Variants in SLC10A7 observed in about 807,000 individuals in gnomAD.
SLC10A7 encodes the protein sodium/bile acid cotransporter 7.
In SLC10A7, 29 loss-of-function variants were observed where a neutral mutation model predicts 43.2. That is an observed-to-expected ratio of 0.67 (90% CI 0.50 to 0.92). The LOEUF is 0.92. SLC10A7 is among the 40% of genes least tolerant of loss of function. The pLI, the probability that SLC10A7 is intolerant of heterozygous loss-of-function variation, is 0.00. For missense variants in SLC10A7, 295 were observed against 403.2 expected (o/e 0.73, Z 2.30); for synonymous variants, 152 against 144.8 (o/e 1.05, Z -0.35).
chr4:146,520,031 CG>C (rs1738473178), intron 1 of SLC10A7, among the ~76,000 whole-genome samples: 1 of 152,134 alleles, frequency 6.6e-6, no homozygotes, highest in African/African-American at 2.4e-5. Flanking sequence ...AAAAGCCCCA[CG>C]GAAATGATTC....
At chr4:146,372,127 T>C (rs1210525151) in intron 5 of SLC10A7, among the ~76,000 whole-genome samples, 4 of 152,140 alleles carry the variant, frequency 2.6e-5, no homozygotes, top group African/African-American at 9.7e-5. Context: ...CTTATTCATT[T>C]AAGGCAGAGC....
intron 5 of SLC10A7, among the ~76,000 whole-genome samples, chr4:146,346,303 T>G (rs1490421107): frequency 6.6e-6 from 1 of 152,148 alleles, no homozygotes; most frequent in African/African-American, 2.4e-5. Context: ...GTGAGAGCTT[T>G]GGTAGCTTTT....
intron 5 of SLC10A7, among the ~76,000 whole-genome samples, chr4:146,432,008 C>T (rs376844048): frequency 3.3e-5 from 5 of 152,092 alleles, no homozygotes; most frequent in Non-Finnish European, 5.9e-5. Context: ...CAAAGATATA[C>T]GGATGGCAAA....
intron 7 of SLC10A7, among the ~76,000 whole-genome samples, chr4:146,303,006 T>C (rs1731260886): frequency 6.6e-6 from 1 of 152,018 alleles, no homozygotes; most frequent in African/African-American, 2.4e-5. Flanking sequence ...GTCAGCAGAG[T>C]TCCTCTTCGG....
At chr4:146,427,997 C>G (rs1729494793) in intron 5 of SLC10A7, among the ~76,000 whole-genome samples, 1 of 151,810 alleles carries the variant, frequency 6.6e-6, no homozygotes, top group Non-Finnish European at 1.5e-5. Context: ...CAAAGTGAGA[C>G]TCAGTCTCTA....
chr4:146,440,930 C>A (rs1730552771), intron 5 of SLC10A7, among the ~76,000 whole-genome samples: 2 of 152,180 alleles, frequency 1.3e-5, no homozygotes, highest in African/African-American at 4.8e-5. Context: ...TTCTGTCAGA[C>A]CTTTGAATTT....
chr4:146,365,931 C>T (rs762561762), intron 5 of SLC10A7, among the ~76,000 whole-genome samples: 2 of 152,178 alleles, frequency 1.3e-5, no homozygotes, highest in African/African-American at 2.4e-5. Context: ...GCCTGAGCTC[C>T]GCCTCCTGTT....
At chr4:146,424,219 T>A (rs1579150832) in intron 5 of SLC10A7, among the ~76,000 whole-genome samples, 1 of 152,278 alleles carries the variant, frequency 6.6e-6, no homozygotes, top group East Asian at 1.9e-4. Flanking sequence ...ATCTGTCTAA[T>A]TTTTTAATTT....
At chr4:146,297,861 A>G (rs1169667409) in intron 7 of SLC10A7, among the ~76,000 whole-genome samples, 2 of 152,172 alleles carry the variant, frequency 1.3e-5, no homozygotes, top group African/African-American at 2.4e-5. Context: ...TATCTACTTC[A>G]CTCTTTGAAA....
chr4:146,400,547 G>A (rs1257603252), intron 5 of SLC10A7, among the ~76,000 whole-genome samples: 4 of 152,022 alleles, frequency 2.6e-5, no homozygotes, highest in African/African-American at 9.7e-5. Flanking sequence ...TTATCGAAAC[G>A]TTTTCTGAAC....
chr4:146,486,995 G>T (rs1016517829), intron 4 of SLC10A7, among the ~76,000 whole-genome samples: 1 of 152,302 alleles, frequency 6.6e-6, no homozygotes, highest in South Asian at 2.1e-4. Flanking sequence ...CAGCCAAACT[G>T]CAATTGCTTC....
chr4:146,308,543 G>C (rs1731743950), intron 6 of SLC10A7, among the ~76,000 whole-genome samples: 1 of 151,992 alleles, frequency 6.6e-6, no homozygotes, highest in South Asian at 2.1e-4. Flanking sequence ...TGGGATATTT[G>C]GTTCTTCATA....
intron 1 of SLC10A7, among the ~76,000 whole-genome samples, chr4:146,520,124 T>G (rs1738483456): frequency 6.6e-6 from 1 of 152,202 alleles, no homozygotes; most frequent in African/African-American, 2.4e-5. Flanking sequence ...CCTGCAGATT[T>G]AAAGTTAAAG....
At chr4:146,468,055 C>T (rs1234104858) in intron 4 of SLC10A7, among the ~76,000 whole-genome samples, 1 of 152,102 alleles carries the variant, frequency 6.6e-6, no homozygotes, top group African/African-American at 2.4e-5. Flanking sequence ...ACAGAGGACC[C>T]CAGACTTAGT....
At chr4:146,467,764 T>C (rs774377917) in intron 4 of SLC10A7, among the ~76,000 whole-genome samples, 1 of 152,072 alleles carries the variant, frequency 6.6e-6, no homozygotes, top group Non-Finnish European at 1.5e-5. Flanking sequence ...GGTGTTGCCA[T>C]GTTGGCCAGA....
chr4:146,346,879 T>A (rs11100922), intron 5 of SLC10A7, among the ~76,000 whole-genome samples: 73,388 of 151,832 alleles, frequency 0.48, 18,093 homozygotes, highest in East Asian at 0.62. Flanking sequence ...CAACAAATAA[T>A]TTTTGGATAC....
intron 9 of SLC10A7, among the ~76,000 whole-genome samples, chr4:146,291,020 G>A (rs1163461218): frequency 6.6e-6 from 1 of 152,196 alleles, no homozygotes; most frequent in African/African-American, 2.4e-5. Flanking sequence ...TCAACTAGGT[G>A]TCACACTTCT....
intron 4 of SLC10A7, among the ~76,000 whole-genome samples, chr4:146,447,264 C>T (rs983158375): frequency 2.1e-4 from 32 of 152,050 alleles, no homozygotes; most frequent in Non-Finnish European, 5.9e-5. Flanking sequence ...AGCCACCATG[C>T]CTAGCTAGAA....
chr4:146,329,746 C>A (rs1733405392), intron 5 of SLC10A7, among the ~76,000 whole-genome samples: 1 of 152,092 alleles, frequency 6.6e-6, no homozygotes, highest in African/African-American at 2.4e-5. Context: ...TTTTTAGAGT[C>A]AAGTTTTTGC....
Sources: gnomAD v4.1 joint callset for allele counts (sites outside exome capture counted in the v4.1 genomes callset) on GRCh38, gnomAD v4.1.1 for gene constraint, MANE v1.5 for transcripts, NCBI Gene and HGNC (gene_info 2026-07-23, HGNC 2026-07-21) for gene names.